The following ZSWIM8 variants were observed in gnomAD, a reference collection of about 807,000 sequenced individuals.
ZSWIM8 encodes zinc finger SWIM domain-containing protein 8.
ZSWIM8 carries 27 observed loss-of-function variants against 173.7 expected under a neutral mutation model. That is an observed-to-expected ratio of 0.16 (90% CI 0.11 to 0.21). The LOEUF is 0.21. Among genes scored for constraint, ZSWIM8 ranks in the 10% least tolerant of loss-of-function variants. The pLI, the probability that ZSWIM8 is intolerant of heterozygous loss-of-function variation, is 1.00. For missense variants in ZSWIM8, 1,627 were observed against 2,428.8 expected (o/e 0.67, Z 6.94); for synonymous variants, 958 against 962.0 (o/e 1.00, Z 0.08).
Position 73,800,800 on chromosome 10 carries a change from C to A in ZSWIM8, c.5122+41C>A, listed in dbSNP as rs745373106. The A allele has an allele frequency of 7.0e-7, 1 of 1,433,320 alleles. No individual in the cohort carries two copies. Among genetic ancestry groups the A allele is most frequent in the Non-Finnish European group, 9.6e-7 (1 of 1,045,574 alleles). The allele number at this position is 1,433,320 out of a possible 1,614,324, so 88.8% of individuals were successfully genotyped here. On this transcript the variant is annotated intron_variant, in intron 24 of 25. Coordinates refer to ENST00000604729, the MANE Select transcript of ZSWIM8 (RefSeq NM_001367799.1). The surrounding 1 kb of genome is among the most constrained non-coding windows in gnomAD (Gnocchi z 4.1). Reference sequence around the variant, plus strand: ...CCTAGGACCATTGCCCCCCCCCCACCTGCTCTCCCCACCTTCCTTATCCCA... The same window carrying A: ...CCTAGGACCATTGCCCCCCCCCCACATGCTCTCCCCACCTTCCTTATCCCA...
chr10:73,792,328 G>A lies in ZSWIM8; in HGVS notation c.1789G>A (p.Gly597Ser), dbSNP rs759825736. The part of the protein sequence containing the change: ...ALGGAGSGSK[G>S]SAGGGSKRRL... The stretch of plus-strand genomic sequence containing the variant: ...GGGTGGGGCTGGCAGTGGGAGCAAG[G>A]GCTCAGCAGGTGGCGGAAGCAAGCG... The change falls in exon 10 of 26, where the codon GGC (glycine) becomes AGC (serine). Residue 597 changes from glycine to serine, a missense_variant. By Grantham distance (56) the Gly-to-Ser change is moderately conservative (BLOSUM62 0). This residue lies in a region of ZSWIM8 where 383 missense variants were observed against 394.8 expected (regional missense o/e 0.97). Coordinates refer to ENST00000604729, the MANE Select transcript of ZSWIM8 (RefSeq NM_001367799.1). This position sits in a 1 kb window ranked among gnomAD's most constrained non-coding sequence, Gnocchi z 4.3. The A allele has an allele frequency of 6.2e-7, 1 of 1,612,984 alleles. No individual in the cohort carries two copies. The highest frequency in any genetic ancestry group is 8.5e-7 in the Non-Finnish European group (1 of 1,179,560).
chr10:73,797,895 C>G lies in ZSWIM8; in HGVS notation c.3777C>G (p.Gly1259=). Residue 1259 remains glycine (G), a synonymous_variant, in exon 19 of 26, where the codon GGC becomes GGG. Coordinates refer to ENST00000604729, the MANE Select transcript of ZSWIM8 (RefSeq NM_001367799.1). This position sits in a 1 kb window ranked among gnomAD's most constrained non-coding sequence, Gnocchi z 5.6. ...LAKTVLIKAG[G]NSSTSIFTHP... ...AGACAGTGCTGATCAAGGCAGGGGG[C>G]AACAGCAGCACTTCCATTTTCACAC... 1 of 1,613,986 alleles carries G rather than the reference C, an allele frequency of 6.2e-7. No homozygotes were observed. Among genetic ancestry groups the G allele is most frequent in the Non-Finnish European group, 8.5e-7 (1 of 1,179,882 alleles).
At chr10:73,796,669 G>A (rs2083673521) in intron 15 of ZSWIM8, 105 bp from the exon 16 acceptor site, 2 of 1,477,038 alleles carry the variant, frequency 1.4e-6, no homozygotes, top group Non-Finnish European at 1.8e-6. Flanking sequence ...GCTCCCTGAG[G>A]ATGTAGCAAT....
rs2083892591 is a variant in ZSWIM8 at position 73,800,531 on chromosome 10, G to A, written c.5002+59G>A. On this transcript the variant is annotated intron_variant, in intron 23 of 25. Coordinates refer to ENST00000604729, the MANE Select transcript of ZSWIM8 (RefSeq NM_001367799.1). The surrounding 1 kb of genome is among the most constrained non-coding windows in gnomAD (Gnocchi z 4.1). The stretch of plus-strand genomic sequence containing the variant: ...CAGTTGTGCCAGTGGCTCTTCAGAG[G>A]ACCCTTCCTCTAGCTCTTCATTTGT... 1 of 1,606,028 alleles carries A rather than the reference G, an allele frequency of 6.2e-7. No homozygotes were observed. Among genetic ancestry groups the A allele is most frequent in the African/African-American group, 1.3e-5 (1 of 74,802 alleles).
Position 73,789,588 on chromosome 10 carries a change from C to G in ZSWIM8, c.630+49C>G, listed in dbSNP as rs3829128. 62 of 1,590,402 alleles carry G rather than the reference C, an allele frequency of 3.9e-5. No individual in the cohort carries two copies. Among genetic ancestry groups the G allele is most frequent in the Middle Eastern group, 1.9e-4 (1 of 5,286 alleles). ...GGCCCTATCCTACACTCCATCCCCC[C>G]CTTCTCTGCTGCATGCCTGGCTACA... On this transcript the variant is annotated intron_variant, in intron 4 of 25. Transcript: ENST00000604729. This position sits in a 1 kb window ranked among gnomAD's most constrained non-coding sequence, Gnocchi z 6.8.
rs2083818328 is a variant in ZSWIM8 at position 73,799,501 on chromosome 10, T to C, written c.4665+11T>C. 2 of 1,594,374 alleles carry C rather than the reference T, an allele frequency of 1.3e-6. No homozygotes were observed. Among genetic ancestry groups the C allele is most frequent in the African/African-American group, 2.7e-5 (2 of 74,678 alleles). ...TCTGCATACCCACAGGTGAGACCAG[T>C]GTTCTGCTGGGGGGTAAGGCATGGG... On this transcript the variant is annotated intron_variant, in intron 21 of 25. Coordinates refer to ENST00000604729, the MANE Select transcript of ZSWIM8 (RefSeq NM_001367799.1).
At position 73,789,214 on chromosome 10, in the gene ZSWIM8, GGC is replaced by G; in HGVS notation, c.457+25_457+26del. On this transcript the variant is annotated intron_variant, in intron 3 of 25. Coordinates refer to ENST00000604729, the MANE Select transcript of ZSWIM8 (RefSeq NM_001367799.1). The surrounding 1 kb of genome is among the most constrained non-coding windows in gnomAD (Gnocchi z 6.8). ...AGGTGAGTGGGCCATCATGCCATGT[GGC>G]ACATCCTGCTCCTCCCATCCCCTGG... The G allele has an allele frequency of 1.2e-6, 2 of 1,613,178 alleles. No individual in the cohort carries two copies. The highest frequency in any genetic ancestry group is 1.7e-6 in the Non-Finnish European group (2 of 1,179,154).
rs1245165557 is a variant in ZSWIM8 at position 73,791,210 on chromosome 10, C to T, written c.1143+34C>T. 1 of 1,571,972 alleles carries T rather than the reference C, an allele frequency of 6.4e-7. No individual in the cohort carries two copies. The highest frequency in any genetic ancestry group is 8.7e-7 in the Non-Finnish European group (1 of 1,153,098). On this transcript the variant is annotated intron_variant, in intron 8 of 25. Transcript: ENST00000604729. The surrounding 1 kb of genome is among the most constrained non-coding windows in gnomAD (Gnocchi z 6.0). ...TCAGCGTTGGGGAGCCCCGTGGTAGCTCATTCTTTCCCTCCCCCTGCCTCA... is the reference window on the plus strand; with the variant it reads ...TCAGCGTTGGGGAGCCCCGTGGTAGTTCATTCTTTCCCTCCCCCTGCCTCA...
At position 73,793,579 on chromosome 10, in the gene ZSWIM8, T is replaced by C; in HGVS notation, c.2314-9T>C. 6.4e-7 allele frequency: 1 copy of C among 1,572,922 alleles called. No homozygotes were observed. On this transcript the variant is annotated splice_polypyrimidine_tract_variant and intron_variant, in intron 10 of 25. Coordinates refer to ENST00000604729, the MANE Select transcript of ZSWIM8 (RefSeq NM_001367799.1). ...CTTTAACCTGTCTGGTCCCATGTCCTCCTTCCAGGTACTGTTTGCCTGTGC... is the reference window on the plus strand; with the variant it reads ...CTTTAACCTGTCTGGTCCCATGTCCCCCTTCCAGGTACTGTTTGCCTGTGC...
chr10:73,793,679 C>A lies in ZSWIM8; in HGVS notation c.2405C>A (p.Ala802Asp), dbSNP rs1227067577. ...LTVELAQDLL[A>D]NPPDLKVEPP... ...GTGGAGCTTGCCCAGGATCTGCTAG[C>A]CAACCCACCCGACCTCAAGGTAGAG... Residue 802 changes from alanine to aspartate, a missense_variant, in exon 11 of 26, where the codon GCC becomes GAC. By Grantham distance (126) the Ala-to-Asp change is moderately radical (BLOSUM62 -2). This residue lies in a region of ZSWIM8 where 169 missense variants were observed against 235.3 expected (regional missense o/e 0.72). Coordinates refer to ENST00000604729, the MANE Select transcript of ZSWIM8 (RefSeq NM_001367799.1). 1.9e-6 allele frequency: 3 copies of A among 1,613,504 alleles called. No homozygotes were observed. Among genetic ancestry groups the A allele is most frequent in the Admixed American group, 1.7e-5 (1 of 59,968 alleles).
rs1392763677 is a variant in ZSWIM8 at position 73,799,906 on chromosome 10, C to CGA, written c.4666-105_4666-104insGA. On this transcript the variant is annotated intron_variant, in intron 21 of 25. Coordinates refer to ENST00000604729, the MANE Select transcript of ZSWIM8 (RefSeq NM_001367799.1). Reference sequence around the variant, plus strand: ...CCAGCCTGGAGGACAGAGCGAGACTCTATCTCAAAAAAAACATGTCAGGAT... The same window carrying CGA: ...CCAGCCTGGAGGACAGAGCGAGACTCGATATCTCAAAAAAAACATGTCAGGAT... 4 of 1,246,130 alleles carry CGA rather than the reference C, an allele frequency of 3.2e-6. No homozygotes were observed. The African/African-American group carries it at 5.9e-5, about 18-fold the overall frequency. The allele number at this position is 1,246,130 out of a possible 1,614,324, so 77.2% of individuals were successfully genotyped here.
intron 13 of ZSWIM8, 27 bp downstream of exon 13, chr10:73,794,357 G>A: frequency 6.2e-7 from 1 of 1,608,222 alleles, no homozygotes; most frequent in Non-Finnish European, 8.5e-7. Context: ...TACAGTAAGT[G>A]GGGAACTGGG....
rs1490224276 is a variant in ZSWIM8 at position 73,792,862 on chromosome 10, T to G, written c.2313+10T>G. On this transcript the variant is annotated intron_variant, in intron 10 of 25. Coordinates refer to ENST00000604729, the MANE Select transcript of ZSWIM8 (RefSeq NM_001367799.1). The surrounding 1 kb of genome is among the most constrained non-coding windows in gnomAD (Gnocchi z 4.3). ...GGAGAGTCGCATGGAGGTGAGGGGA[T>G]GGAAGGAGGGAGGGCTGGGTGCTCC... 6.5e-7 allele frequency: 1 copy of G among 1,535,346 alleles called. No individual in the cohort carries two copies. Among genetic ancestry groups the G allele is most frequent in the Non-Finnish European group, 8.7e-7 (1 of 1,145,570 alleles).
chr10:73,794,802 A>C (rs897185449), intron 14 of ZSWIM8, 163 bp downstream of exon 14: 1 of 592,368 alleles, frequency 1.7e-6, no homozygotes, highest in Non-Finnish European at 2.9e-6. Flanking sequence ...AATGTGTGCT[A>C]TATGGCTGGG....
In ZSWIM8 at chr10:73,801,703, T is replaced by G. The variant is rs1018482888; in HGVS notation, c.*184T>G. The G allele has an allele frequency of 1.3e-6, 2 of 1,533,074 alleles. No homozygotes were observed. Among genetic ancestry groups the G allele is most frequent in the African/African-American group, 2.7e-5 (2 of 73,084 alleles). 95.0% of individuals were successfully genotyped at this position (1,533,074 alleles called of 1,614,324 possible). A position where few individuals can be genotyped will look rare whatever the true frequency, so the allele number is the denominator to read the frequency against. ...GTCTCACACCCTAGAAGCCTAGGGCTGGGGGAGACAGCCCTGTCTGGGAGG... is the reference window on the plus strand; with the variant it reads ...GTCTCACACCCTAGAAGCCTAGGGCGGGGGGAGACAGCCCTGTCTGGGAGG... On this transcript the variant is annotated 3_prime_UTR_variant, in exon 26 of 26. Transcript: ENST00000604729. The surrounding 1 kb of genome is among the most constrained non-coding windows in gnomAD (Gnocchi z 4.9).
chr10:73,788,277 C>T (rs986315897), intron 1 of ZSWIM8, among the ~76,000 whole-genome samples: 1 of 150,858 alleles, frequency 6.6e-6, no homozygotes, highest in Non-Finnish European at 1.5e-5. Flanking sequence ...GACAAGAATG[C>T]CAGAGGAGAG....
Position 73,800,263 on chromosome 10 carries a change from C to G in ZSWIM8, c.4826-33C>G. 6.2e-7 allele frequency: 1 copy of G among 1,612,418 alleles called. No individual in the cohort carries two copies. Among genetic ancestry groups the G allele is most frequent in the African/African-American group, 1.3e-5 (1 of 75,004 alleles). On this transcript the variant is annotated intron_variant, in intron 22 of 25. Coordinates refer to ENST00000604729, the MANE Select transcript of ZSWIM8 (RefSeq NM_001367799.1). The surrounding 1 kb of genome is among the most constrained non-coding windows in gnomAD (Gnocchi z 4.1). ...AATGTTCTTTGTCTCTCTTTGGGCT[C>G]TGAGTTCCTCACATGGCTCTCACCC...
Position 73,801,143 on chromosome 10 carries a change from G to A in ZSWIM8, c.5249G>A (p.Arg1750His), listed in dbSNP as rs1266972200. Residue 1750 changes from arginine to histidine, a missense_variant, in exon 25 of 26, where the codon CGT becomes CAT. Transcript: ENST00000604729. This position sits in a 1 kb window ranked among gnomAD's most constrained non-coding sequence, Gnocchi z 4.9. ...CCCGCTCATGCCCACAACCACCTGCGTGCCCCGGCCTTCCACCAACTGGTG... is the reference window on the plus strand; with the variant it reads ...CCCGCTCATGCCCACAACCACCTGCATGCCCCGGCCTTCCACCAACTGGTG... Reference protein sequence around the residue: ...LSPAHAHNHLRAPAFHQLVQR... With the variant: ...LSPAHAHNHLHAPAFHQLVQR... 1.9e-6 allele frequency: 3 copies of A among 1,592,486 alleles called. No homozygotes were observed. Among genetic ancestry groups the A allele is most frequent in the Non-Finnish European group, 2.6e-6 (3 of 1,170,286 alleles).
At position 73,792,547 on chromosome 10, in the gene ZSWIM8, G is replaced by T; in HGVS notation, c.2008G>T (p.Asp670Tyr). 1 of 1,614,032 alleles carries T rather than the reference G, an allele frequency of 6.2e-7. No individual in the cohort carries two copies. Among genetic ancestry groups the T allele is most frequent in the Non-Finnish European group, 8.5e-7 (1 of 1,179,886 alleles). The change falls in exon 10 of 26, where the codon GAT becomes TAT. Residue 670 changes from aspartate to tyrosine, a missense_variant. By Grantham distance (160) the Asp-to-Tyr change is radical. Coordinates refer to ENST00000604729, the MANE Select transcript of ZSWIM8 (RefSeq NM_001367799.1). This position sits in a 1 kb window ranked among gnomAD's most constrained non-coding sequence, Gnocchi z 4.3. ...TGAGCCCCCAGATACTTATGAAGAA[G>T]ATGGTGGTGTGTACTTCTCGGAAGG... ...LPEPPDTYEEDGGVYFSEGPE... is the reference protein window; with the variant it reads ...LPEPPDTYEEYGGVYFSEGPE...
Sources: gnomAD v4.1 joint callset for allele counts (sites outside exome capture counted in the v4.1 genomes callset) on GRCh38, gnomAD v4.1.1 for gene constraint, gnomAD v4.1.1 regional missense constraint, Gnocchi (gnomAD v3.1) non-coding constraint, MANE v1.5 for transcripts, NCBI Gene and HGNC (gene_info 2026-07-23, HGNC 2026-07-21) for gene names.